The following MAF variants were observed in gnomAD, a reference collection of about 807,000 sequenced individuals.
The protein encoded by MAF is MAF bZIP transcription factor.
MAF carries 10 observed loss-of-function variants against 22.0 expected under a neutral mutation model. The observed-to-expected ratio is 0.45, with a 90% CI of 0.28 to 0.77. The LOEUF is 0.77. Among genes scored for constraint, MAF ranks in the 30% least tolerant of loss-of-function variants. The probability of loss-of-function intolerance (pLI) is 0.12; values close to 1 mark genes in which losing one functional copy is unlikely to be tolerated. For missense variants in MAF, 544 were observed against 548.4 expected (o/e 0.99, Z 0.08); for synonymous variants, 337 against 255.8 (o/e 1.32, Z -3.03).
intron 1 of MAF, chr16:79,598,468 A>AAC: frequency 7.7e-7 from 1 of 1,302,318 alleles, no homozygotes; most frequent in Non-Finnish European, 9.8e-7. Flanking sequence ...AAAAAAAAAA[A>AAC]AAACAAGCTA....
chr16:79,255,723 G>T, the MAF span, among the ~76,000 whole-genome samples: 3 of 152,154 alleles, frequency 2.0e-5, no homozygotes, highest in Non-Finnish European at 4.4e-5. Flanking sequence ...GCCATCAGAG[G>T]TGGACGCTCA....
the MAF span, among the ~76,000 whole-genome samples, chr16:79,553,173 A>G: frequency 0.13 from 20,205 of 152,300 alleles, 1,491 homozygotes; most frequent in East Asian, 0.27. Flanking sequence ...GCCAGCTGTC[A>G]TGCTGATGCT....
At chr16:79,301,578 T>G in the MAF span, among the ~76,000 whole-genome samples, 3 of 150,242 alleles carry the variant, frequency 2.0e-5, no homozygotes, top group East Asian at 2.0e-4. Flanking sequence ...TATATTTTAA[T>G]TTTTTACATT....
At chr16:79,235,923 A>G in the MAF span, among the ~76,000 whole-genome samples, 3 of 151,986 alleles carry the variant, frequency 2.0e-5, no homozygotes. Flanking sequence ...CTGCAAGCCA[A>G]GCCGCCCAGA....
chr16:79,212,906 T>TGAAAGAAAG, the MAF span: 1 of 151,482 alleles, frequency 6.6e-6, no homozygotes, highest in Non-Finnish European at 1.5e-5. Flanking sequence ...TATTTTCTGT[T>TGAAAGAAAG]AAAGAAAGAA....
At chr16:79,348,782 T>A in the MAF span, among the ~76,000 whole-genome samples, 3 of 152,220 alleles carry the variant, frequency 2.0e-5, no homozygotes, top group Non-Finnish European at 4.4e-5. Flanking sequence ...GATTCTTATG[T>A]CATATTCTGG....
In MAF at chr16:79,600,017, T is replaced by C; in HGVS notation, c.-115A>G. On this transcript the variant is annotated 5_prime_UTR_variant, in exon 1 of 2. Transcript: ENST00000326043. ...GAGCCAGCTTGCCGGGCTGGGGCGC[T>C]TCTAGCTTGCGCGGCGGTGGCTGGC... 9.5e-6 allele frequency: 14 copies of C among 1,467,954 alleles called. No homozygotes were observed. In the South Asian group the frequency reaches 1.5e-4, roughly 16 times the overall value. The allele number at this position is 1,467,954 out of a possible 1,614,324, so 90.9% of individuals were successfully genotyped here.
chr16:79,437,684 C>T, the MAF span, among the ~76,000 whole-genome samples: 4 of 152,038 alleles, frequency 2.6e-5, no homozygotes, highest in East Asian at 1.9e-4. Context: ...CCTCTGAAAA[C>T]CCTGGCATTA....
the MAF span, among the ~76,000 whole-genome samples, chr16:79,215,871 T>G: frequency 2.1e-4 from 32 of 152,288 alleles, no homozygotes; most frequent in African/African-American, 7.5e-4. Flanking sequence ...TTATCTACGT[T>G]ACTTGAAGAT....
the MAF span, among the ~76,000 whole-genome samples, chr16:79,225,792 T>C: frequency 1.3e-5 from 2 of 152,348 alleles, no homozygotes; most frequent in African/African-American, 4.8e-5. Flanking sequence ...TCATCATCAC[T>C]GGTCATTAGA....
At chr16:79,275,870 G>A in the MAF span, among the ~76,000 whole-genome samples, 87,939 of 152,046 alleles carry the variant, frequency 0.58, 26,518 homozygotes, top group Admixed American at 0.68. Flanking sequence ...GGCAGGGTGC[G>A]GGGGCTCATG....
the MAF span, among the ~76,000 whole-genome samples, chr16:79,385,852 A>G: frequency 1.3e-5 from 2 of 152,224 alleles, no homozygotes; most frequent in Non-Finnish European, 2.9e-5. Context: ...GGTTGCAGTG[A>G]GCCAAGATAG....
the MAF span, among the ~76,000 whole-genome samples, chr16:79,416,499 C>CAA: frequency 0.58 from 80,591 of 139,666 alleles, 22,757 homozygotes; most frequent in East Asian, 0.85. Flanking sequence ...GGTTAAATTG[C>CAA]AAAAAAAAAA....
the MAF span, among the ~76,000 whole-genome samples, chr16:79,532,400 G>C: frequency 1.3e-4 from 20 of 152,108 alleles, no homozygotes; most frequent in African/African-American, 4.8e-4. Context: ...CTACATAAAA[G>C]AAAAAAAGTG....
the MAF span, among the ~76,000 whole-genome samples, chr16:79,232,701 C>T: frequency 6.6e-6 from 1 of 151,858 alleles, no homozygotes; most frequent in Non-Finnish European, 1.5e-5. Context: ...CTCCATGATG[C>T]CCTATGATCT....
the MAF span, chr16:79,204,848 C>T: frequency 3.9e-5 from 6 of 152,202 alleles, no homozygotes; most frequent in African/African-American, 1.2e-4. Flanking sequence ...ACCTGCTGGT[C>T]TCCAGGCTCG....
At chr16:79,580,252 A>C in the MAF span, among the ~76,000 whole-genome samples, 23 of 152,296 alleles carry the variant, frequency 1.5e-4, no homozygotes, top group South Asian at 4.4e-3. Context: ...TTTGTAGCAC[A>C]GGTCATGTGC....
At chr16:79,385,038 C>T in the MAF span, among the ~76,000 whole-genome samples, 7 of 152,204 alleles carry the variant, frequency 4.6e-5, no homozygotes, top group Non-Finnish European at 1.5e-5. Context: ...CTTCTGAGAA[C>T]AGCTATAGCC....
the MAF span, among the ~76,000 whole-genome samples, chr16:79,326,883 A>C: frequency 1.3e-5 from 2 of 152,250 alleles, no homozygotes; most frequent in Non-Finnish European, 2.9e-5. Flanking sequence ...GCCTCTGAAC[A>C]GGAAATGAAT....
Sources: allele counts gnomAD v4.1 joint callset (sites outside exome capture counted in the v4.1 genomes callset), GRCh38; gene constraint gnomAD v4.1.1; transcripts MANE v1.5; gene names NCBI Gene and HGNC (gene_info 2026-07-23, HGNC 2026-07-21).